Variants in XYLT1 observed in about 807,000 individuals in gnomAD.
The protein encoded by XYLT1 is beta-D-xylosyltransferase 1.
A neutral mutation model predicts 91.3 loss-of-function variants in XYLT1; 36 were observed. The ratio of observed to expected loss-of-function variants is 0.39; its 90% CI spans 0.30 to 0.52. XYLT1 has a LOEUF of 0.52. Ranked by LOEUF, XYLT1 falls within the 20% of genes least tolerant of loss-of-function variation. XYLT1 has a pLI of 0.68. For missense variants in XYLT1, 1,242 were observed against 1,284.5 expected (o/e 0.97, Z 0.51); for synonymous variants, 588 against 532.0 (o/e 1.11, Z -1.45).
In XYLT1 at chr16:17,470,542, G is replaced by T. The variant is rs1414998054; in HGVS notation, c.255C>A (p.Gly85=). The T allele has an allele frequency of 1.1e-5, 13 of 1,222,760 alleles. No individual in the cohort carries two copies. The Admixed American group carries it at 3.0e-4, about 28-fold the overall frequency. 75.7% of individuals were successfully genotyped at this position (1,222,760 alleles called of 1,614,324 possible). A position where few individuals can be genotyped will look rare whatever the true frequency, so the allele number is the denominator to read the frequency against. ...GGGGCCCCCGTCCTCCTCCTCCTCC[G>T]CCGCCGCCTCCTCCTCCTCCTCGGG... The part of the protein sequence containing the change: ...AAARGGGGGG[G]GGGGGRGPQA... The change falls in exon 1 of 12, where the codon GGC becomes GGA. Residue 85 remains glycine (G), a synonymous_variant. Coordinates refer to ENST00000261381, the MANE Select transcript of XYLT1 (RefSeq NM_022166.4).
At chr16:17,424,977 T>C (rs2036297025) in intron 1 of XYLT1, among the ~76,000 whole-genome samples, 1 of 151,502 alleles carries the variant, frequency 6.6e-6, no homozygotes, top group South Asian at 2.1e-4. Context: ...TGAATCAGCA[T>C]CTGTTTCCCT....
intron 2 of XYLT1, among the ~76,000 whole-genome samples, chr16:17,351,417 G>A (rs1356028094): frequency 8.5e-5 from 13 of 152,186 alleles, no homozygotes; most frequent in African/African-American, 2.9e-4. Flanking sequence ...GGAGACTGAG[G>A]CAGGAGAATT....
chr16:17,243,320 T>G (rs998329754), intron 3 of XYLT1, among the ~76,000 whole-genome samples: 1 of 152,218 alleles, frequency 6.6e-6, no homozygotes, highest in Non-Finnish European at 1.5e-5. Context: ...TGTTAAAGTC[T>G]AAATGAGATC....
chr16:17,345,493 C>T (rs2035131586), intron 2 of XYLT1, among the ~76,000 whole-genome samples: 1 of 152,216 alleles, frequency 6.6e-6, no homozygotes. Context: ...CCCAAGCCTG[C>T]TACTTCCACA....
intron 1 of XYLT1, among the ~76,000 whole-genome samples, chr16:17,405,236 G>C (rs181486366): frequency 4.7e-4 from 71 of 152,296 alleles, no homozygotes; most frequent in Middle Eastern, 3.4e-3. Context: ...GTTTCTCCTG[G>C]AATCGGGGCC....
intron 11 of XYLT1, among the ~76,000 whole-genome samples, chr16:17,117,413 C>T (rs573528474): frequency 1.3e-5 from 2 of 152,132 alleles, no homozygotes; most frequent in Admixed American, 1.3e-4. Flanking sequence ...AATGGGGGAG[C>T]GTCTAACAAA....
chr16:17,118,038 G>A (rs3947375), intron 10 of XYLT1, 59 bp from the exon 11 acceptor site: 2 of 1,534,494 alleles, frequency 1.3e-6, no homozygotes, highest in Non-Finnish European at 1.8e-6. Context: ...CTAGGTCTCA[G>A]AAAGGTCTAG....
At chr16:17,184,105 C>T (rs935398971) in intron 5 of XYLT1, among the ~76,000 whole-genome samples, 2 of 151,766 alleles carry the variant, frequency 1.3e-5, no homozygotes, top group Admixed American at 6.6e-5. Flanking sequence ...CATCCAAATT[C>T]CCAGGATGCA....
At chr16:17,182,026 G>A (rs867586798) in intron 5 of XYLT1, among the ~76,000 whole-genome samples, 3 of 152,168 alleles carry the variant, frequency 2.0e-5, no homozygotes, top group African/African-American at 7.2e-5. Context: ...TCATCAAACA[G>A]CTTGAAATAA....
intron 2 of XYLT1, among the ~76,000 whole-genome samples, chr16:17,301,279 G>A (rs780690022): frequency 1.3e-5 from 2 of 151,884 alleles, no homozygotes. Flanking sequence ...GCATGGTGGC[G>A]GGCGCCTATA....
intron 7 of XYLT1, among the ~76,000 whole-genome samples, chr16:17,140,647 G>A (rs2030941533): frequency 1.9e-5 from 2 of 105,032 alleles, no homozygotes; most frequent in African/African-American, 7.8e-5. Context: ...GATGACAGAG[G>A]AAGACTGTCT....
chr16:17,470,877 G>A lies in XYLT1; in HGVS notation c.-81C>T. 1.0e-6 allele frequency: 1 copy of A among 976,450 alleles called. No homozygotes were observed. The highest frequency in any genetic ancestry group is 1.2e-6 in the Non-Finnish European group (1 of 823,872). The allele number at this position is 976,450 out of a possible 1,614,324, so 60.5% of individuals were successfully genotyped here. ...CCCCGCGCTCCCCGCAGCTCCCGCG[G>A]CCGCCGGCTGCCGCTCGGGCTCCCG... On this transcript the variant is annotated 5_prime_UTR_variant, in exon 1 of 12. Coordinates refer to ENST00000261381, the MANE Select transcript of XYLT1 (RefSeq NM_022166.4).
At chr16:17,268,026 G>A (rs1322932689) in intron 2 of XYLT1, among the ~76,000 whole-genome samples, 2 of 152,182 alleles carry the variant, frequency 1.3e-5, no homozygotes, top group Non-Finnish European at 2.9e-5. Flanking sequence ...GGGGGTCCCT[G>A]AGGCCTTCTC....
At chr16:17,170,056 G>C (rs750616104) in intron 5 of XYLT1, among the ~76,000 whole-genome samples, 1 of 152,186 alleles carries the variant, frequency 6.6e-6, no homozygotes, top group East Asian at 1.9e-4. Context: ...CTGAGCCTTG[G>C]TTTTCTAATC....
intron 1 of XYLT1, among the ~76,000 whole-genome samples, chr16:17,465,639 A>T (rs115136440): frequency 6.5e-4 from 99 of 152,032 alleles, no homozygotes; most frequent in African/African-American, 2.3e-3. Flanking sequence ...GCACTCAATA[A>T]ATGTCAGTAC....
chr16:17,385,157 C>T (rs911809774), intron 1 of XYLT1, among the ~76,000 whole-genome samples: 9 of 151,654 alleles, frequency 5.9e-5, no homozygotes, highest in African/African-American at 2.2e-4. Flanking sequence ...GTCCATGTCA[C>T]TCACCTTTAT....
At chr16:17,377,176 C>G (rs1201587494) in intron 1 of XYLT1, among the ~76,000 whole-genome samples, 4 of 108,552 alleles carry the variant, frequency 3.7e-5, no homozygotes, top group African/African-American at 2.2e-4. Flanking sequence ...GACTCTGCCT[C>G]ACACACACAC....
rs3812960 is a variant in XYLT1, at chr16:17,107,658, C to T, written c.*1037G>A. The stretch of plus-strand genomic sequence containing the variant: ...ATTGACGAAGGTTTTGTGTGTCTGA[C>T]CTCAGAACGGAAGGGCTCTGGCAGG... On this transcript the variant is annotated 3_prime_UTR_variant, in exon 12 of 12. Coordinates refer to ENST00000261381, the MANE Select transcript of XYLT1 (RefSeq NM_022166.4). 4,090 of 152,930 alleles carry T rather than the reference C, an allele frequency of 0.027. 124 individuals carry two copies. The highest frequency in any genetic ancestry group is 0.089 in the South Asian group (429 of 4,824). 9.5% of individuals were successfully genotyped at this position (152,930 alleles called of 1,614,324 possible). A position where few individuals can be genotyped will look rare whatever the true frequency, so the allele number is the denominator to read the frequency against.
intron 3 of XYLT1, among the ~76,000 whole-genome samples, chr16:17,208,083 C>T (rs2141596393): frequency 6.6e-6 from 1 of 152,022 alleles, no homozygotes; most frequent in African/African-American, 2.4e-5. Context: ...AATTTCTGGG[C>T]TCAAGGGATC....
Sources: allele counts gnomAD v4.1 joint callset (sites outside exome capture counted in the v4.1 genomes callset), GRCh38; gene constraint gnomAD v4.1.1; transcripts MANE v1.5; gene names NCBI Gene and HGNC (gene_info 2026-07-23, HGNC 2026-07-21).